Variants in ERGIC1 observed in about 807,000 individuals in gnomAD.
ERGIC1 encodes endoplasmic reticulum-golgi intermediate compartment 1.
A neutral mutation model predicts 38.3 loss-of-function variants in ERGIC1; 19 were observed. The ratio of observed to expected loss-of-function variants is 0.50; its 90% confidence interval spans 0.35 to 0.73. The LOEUF (loss-of-function observed/expected upper bound fraction) is 0.73, where lower values mean the gene tolerates loss of function less well. Among genes scored for constraint, ERGIC1 ranks in the 30% least tolerant of loss-of-function variants. The probability of loss-of-function intolerance (pLI) is 0.01; values close to 1 mark genes in which losing one functional copy is unlikely to be tolerated. For synonymous variants in ERGIC1, 124 were observed against 157.6 expected (o/e 0.79, Z 1.60); for missense variants, 294 against 389.2 (o/e 0.76, Z 2.06).
At chr5:172,858,680 C>G (rs1761620300) in intron 1 of ERGIC1, among the ~76,000 whole-genome samples, 1 of 152,190 alleles carries the variant, frequency 6.6e-6, no homozygotes, top group Admixed American at 6.5e-5. Context: ...TAGCATAGGC[C>G]CTACTGCGTA....
intron 2 of ERGIC1, among the ~76,000 whole-genome samples, chr5:172,893,939 A>ATATATATATATATATATATG (rs1249616716): frequency 5.9e-4 from 21 of 35,804 alleles, no homozygotes; most frequent in Non-Finnish European, 1.3e-3. Flanking sequence ...GTGTGTGTAT[A>ATATATATATATATATATATG]TATATATATA....
intron 1 of ERGIC1, among the ~76,000 whole-genome samples, chr5:172,855,935 A>G (rs1355184925): frequency 1.3e-5 from 2 of 152,220 alleles, no homozygotes; most frequent in Non-Finnish European, 2.9e-5. Context: ...TCTTTTTGCC[A>G]AGAGGCCTCT....
intron 1 of ERGIC1, among the ~76,000 whole-genome samples, chr5:172,862,363 A>T (rs1215134515): frequency 6.7e-6 from 1 of 149,070 alleles, no homozygotes; most frequent in Non-Finnish European, 1.5e-5. Flanking sequence ...GAGATAAGGA[A>T]GTGCAGTAGA....
rs888306019 is a variant in ERGIC1, at chr5:172,834,509, TCCCGCCCTGCATGCAAAAGCGGCTC to T, written c.20+86_20+110del. The T allele has an allele frequency of 4.9e-6, 6 of 1,220,762 alleles. No homozygotes were observed. Among genetic ancestry groups the T allele is most frequent in the Non-Finnish European group, 6.2e-6 (6 of 975,558 alleles). 75.6% of individuals were successfully genotyped at this position (1,220,762 alleles called of 1,614,324 possible). ...AGCGCCCCGGCACGCCGCGGACCCCTCCCGCCCTGCATGCAAAAGCGGCTCCCCGCCCTGTGCATGCCTCCGCAGG... is the reference window on the plus strand; with the variant it reads ...AGCGCCCCGGCACGCCGCGGACCCCTCCCGCCCTGTGCATGCCTCCGCAGG... On this transcript the variant is annotated intron_variant, in intron 1 of 9. Transcript: ENST00000393784. This position sits in a 1 kb window ranked among gnomAD's most constrained non-coding sequence, Gnocchi z 4.1.
chr5:172,870,837 C>T (rs1203320558), intron 1 of ERGIC1, among the ~76,000 whole-genome samples: 2 of 152,178 alleles, frequency 1.3e-5, no homozygotes, highest in African/African-American at 2.4e-5. Flanking sequence ...AGTGGCTCCC[C>T]GAGGGTACTT....
At chr5:172,892,566 C>T (rs544149841) in intron 2 of ERGIC1, among the ~76,000 whole-genome samples, 62 of 152,246 alleles carry the variant, frequency 4.1e-4, no homozygotes, top group Admixed American at 1.1e-3. Context: ...ACCATCAAGC[C>T]TTCTCCTGGG....
At chr5:172,896,568 A>G (rs1307553473) in intron 2 of ERGIC1, among the ~76,000 whole-genome samples, 1 of 152,176 alleles carries the variant, frequency 6.6e-6, no homozygotes, top group East Asian at 1.9e-4. Flanking sequence ...CCGTGGGAAC[A>G]AGGGTGAGAT....
intron 1 of ERGIC1, among the ~76,000 whole-genome samples, chr5:172,854,633 C>T (rs749296199): frequency 5.9e-5 from 9 of 152,228 alleles, no homozygotes; most frequent in Non-Finnish European, 1.0e-4. Context: ...GTGTGCCCTG[C>T]GATGGGAGGG....
chr5:172,858,325 C>T (rs1002189093), intron 1 of ERGIC1, among the ~76,000 whole-genome samples: 1 of 152,178 alleles, frequency 6.6e-6, no homozygotes, highest in African/African-American at 2.4e-5. Context: ...CATAAAACAC[C>T]GTAAGGAGTT....
At chr5:172,861,340 C>T (rs564493012) in intron 1 of ERGIC1, among the ~76,000 whole-genome samples, 4 of 152,330 alleles carry the variant, frequency 2.6e-5, no homozygotes, top group African/African-American at 2.4e-5. Flanking sequence ...GTCAGACCCA[C>T]GTGTTCTCTT....
rs369407799 is a variant in ERGIC1 at position 172,863,449 on chromosome 5, C to T, written c.21-25250C>T. ...CGTCTCAGGTACACCACTGCGCAGC[C>T]TCCCAGAACCACCCACCTCCTTCCT... is the stretch of plus-strand genomic sequence containing the variant. On this transcript the variant is annotated intron_variant, in intron 1 of 9. Coordinates refer to ENST00000393784, the MANE Select transcript of ERGIC1 (RefSeq NM_001031711.3). 8.5e-5 allele frequency among the ~76,000 whole-genome samples: 13 copies of T among 152,334 alleles called. 1 individual carries two copies. Among genetic ancestry groups the T allele is most frequent in the African/African-American group, 2.9e-4 (12 of 41,572 alleles).
At chr5:172,892,724 C>T (rs915253760) in intron 2 of ERGIC1, among the ~76,000 whole-genome samples, 1 of 152,136 alleles carries the variant, frequency 6.6e-6, no homozygotes, top group Non-Finnish European at 1.5e-5. Context: ...GTTTTTACCT[C>T]CTGTTGTGTT....
chr5:172,884,673 A>T (rs1762374939), intron 1 of ERGIC1, among the ~76,000 whole-genome samples: 1 of 152,180 alleles, frequency 6.6e-6, no homozygotes, highest in African/African-American at 2.4e-5. Flanking sequence ...AGAATCAGCC[A>T]TTCCAAGGAG....
rs577074435 is a variant in ERGIC1, at chr5:172,902,781, C to T, written c.155+5707C>T. Among the ~76,000 whole-genome samples, 9 of 152,220 alleles carry T rather than the reference C, an allele frequency of 5.9e-5. No homozygotes were observed. The East Asian group carries it at 1.5e-3, about 26-fold the overall frequency. On this transcript the variant is annotated intron_variant, in intron 3 of 9. Coordinates refer to ENST00000393784, the MANE Select transcript of ERGIC1 (RefSeq NM_001031711.3). Reference sequence around the variant, plus strand: ...CCCTCCACCCCACCCCAAGCCCTTGCGGCAGGCCTCACCGCCGCCTAAGTT... The same window carrying T: ...CCCTCCACCCCACCCCAAGCCCTTGTGGCAGGCCTCACCGCCGCCTAAGTT...
chr5:172,869,088 G>T (rs1465558727), intron 1 of ERGIC1, among the ~76,000 whole-genome samples: 1 of 152,216 alleles, frequency 6.6e-6, no homozygotes, highest in Admixed American at 6.5e-5. Flanking sequence ...CACCTTGCGT[G>T]GGGAGCTGGA....
intron 8 of ERGIC1, 150 bp downstream of exon 8, chr5:172,932,686 T>G (rs751170405): frequency 6.9e-6 from 5 of 719,502 alleles, no homozygotes; most frequent in African/African-American, 1.8e-5. Flanking sequence ...GCGCTGTCCC[T>G]GGGTAAAATT....
intron 2 of ERGIC1, among the ~76,000 whole-genome samples, chr5:172,893,954 T>TATA (rs1762650388): frequency 8.1e-6 from 1 of 124,106 alleles, no homozygotes; most frequent in Non-Finnish European, 1.7e-5. Context: ...TATATATATA[T>TATA]TTAAATGTCC....
chr5:172,867,455 G>A (rs373288209), intron 1 of ERGIC1: 5 of 400,492 alleles, frequency 1.2e-5, no homozygotes, highest in South Asian at 5.2e-5. Context: ...CTTGGAGGCC[G>A]CAAGAACAAC....
chr5:172,859,547 C>G (rs1366666089), intron 1 of ERGIC1, among the ~76,000 whole-genome samples: 2 of 152,224 alleles, frequency 1.3e-5, no homozygotes, highest in African/African-American at 2.4e-5. Flanking sequence ...TGTGGCTGCT[C>G]TCATTGGCTC....
Sources: allele counts gnomAD v4.1 joint callset (sites outside exome capture counted in the v4.1 genomes callset), GRCh38; gene constraint gnomAD v4.1.1; non-coding constraint Gnocchi (gnomAD v3.1); transcripts MANE v1.5; gene names NCBI Gene and HGNC (gene_info 2026-07-23, HGNC 2026-07-21).